The following NSG2 variants were observed in gnomAD, a reference collection of about 807,000 sequenced individuals.
The protein encoded by NSG2 is neuronal vesicle trafficking associated 2.
NSG2 carries 4 observed loss-of-function variants against 16.9 expected under a neutral mutation model. The observed-to-expected ratio is 0.24, with a 90% CI of 0.12 to 0.54. The LOEUF (loss-of-function observed/expected upper bound fraction) is 0.54, where lower values mean the gene tolerates loss of function less well. NSG2 is among the 20% of genes least tolerant of loss of function. The pLI, the probability that NSG2 is intolerant of heterozygous loss-of-function variation, is 0.95. For synonymous variants in NSG2, 98 were observed against 88.7 expected (o/e 1.11, Z -0.59); for missense variants, 179 against 221.1 (o/e 0.81, Z 1.21).
At chr5:174,048,756 G>T (rs957836511) in intron 2 of NSG2, among the ~76,000 whole-genome samples, 2 of 152,170 alleles carry the variant, frequency 1.3e-5, no homozygotes, top group East Asian at 1.9e-4. Flanking sequence ...CCTTGAGAGA[G>T]GAGGCAGGTC....
intron 3 of NSG2, 90 bp downstream of exon 3, chr5:174,064,405 G>A: frequency 1.4e-6 from 1 of 735,416 alleles, no homozygotes. Context: ...AAGTACTGCT[G>A]TGGGTGGGGA....
At chr5:174,095,062 G>A (rs1016940752) in intron 3 of NSG2, among the ~76,000 whole-genome samples, 1 of 152,202 alleles carries the variant, frequency 6.6e-6, no homozygotes. Context: ...GACATGGTGA[G>A]TTGGGCTTTG....
Position 174,107,232 on chromosome 5 carries a change from C to T in NSG2, c.325-82C>T, listed in dbSNP as rs1430903671. The T allele has an allele frequency of 7.7e-7, 1 of 1,300,776 alleles. No individual in the cohort carries two copies. Among genetic ancestry groups the T allele is most frequent in the Non-Finnish European group, 1.1e-6 (1 of 952,004 alleles). 80.6% of individuals were successfully genotyped at this position (1,300,776 alleles called of 1,614,324 possible). On this transcript the variant is annotated intron_variant, in intron 4 of 4. Coordinates refer to ENST00000303177, the MANE Select transcript of NSG2 (RefSeq NM_015980.5). The surrounding 1 kb of genome is among the most constrained non-coding windows in gnomAD (Gnocchi z 4.5). Reference sequence around the variant, plus strand: ...TGGCTGACAGCCCGATGCAGCTGCACTCCAGTCAGGGTGGCTGTGTTGCTG... The same window carrying T: ...TGGCTGACAGCCCGATGCAGCTGCATTCCAGTCAGGGTGGCTGTGTTGCTG...
At chr5:174,064,456 C>T (rs2113435433) in intron 3 of NSG2, 141 bp downstream of exon 3, 2 of 518,342 alleles carry the variant, frequency 3.9e-6, no homozygotes, top group South Asian at 3.9e-5. Flanking sequence ...TGAAGCCATA[C>T]AGTCTGGCCA....
At chr5:174,082,108 G>C (rs1760486310) in intron 3 of NSG2, among the ~76,000 whole-genome samples, 1 of 152,170 alleles carries the variant, frequency 6.6e-6, no homozygotes. Flanking sequence ...CCGACCACCT[G>C]TCTGAAGCTT....
chr5:174,089,276 A>T (rs1390405442), intron 3 of NSG2, among the ~76,000 whole-genome samples: 1 of 152,172 alleles, frequency 6.6e-6, no homozygotes, highest in East Asian at 1.9e-4. Flanking sequence ...TGGGGTCCTC[A>T]ATGAATTTAC....
rs116862287 is a variant in NSG2 at position 174,098,887 on chromosome 5, C to T, written c.214-5341C>T. ...CTCCAATGTAGCGCTGGAGAACTAG[C>T]GAGCTGTTTATCGCGAGGCTCAGGT... On this transcript the variant is annotated intron_variant, in intron 3 of 4. Coordinates refer to ENST00000303177, the MANE Select transcript of NSG2 (RefSeq NM_015980.5). Among the ~76,000 whole-genome samples, 22 of 152,230 alleles carry T rather than the reference C, an allele frequency of 1.4e-4. No homozygotes were observed. In the East Asian group the frequency reaches 4.1e-3, roughly 28 times the overall value.
At chr5:174,086,735 C>A (rs1455269383) in intron 3 of NSG2, among the ~76,000 whole-genome samples, 1 of 152,208 alleles carries the variant, frequency 6.6e-6, no homozygotes, top group African/African-American at 2.4e-5. Flanking sequence ...GTAAGAGGTT[C>A]ACTGTCAAAG....
intron 2 of NSG2, among the ~76,000 whole-genome samples, chr5:174,050,982 C>T (rs1759879113): frequency 6.6e-6 from 1 of 152,144 alleles, no homozygotes; most frequent in Admixed American, 6.5e-5. Context: ...GAATCTTGAC[C>T]TTGCCACTCC....
intron 3 of NSG2, among the ~76,000 whole-genome samples, chr5:174,096,149 A>C (rs1015968414): frequency 6.6e-6 from 1 of 152,256 alleles, no homozygotes; most frequent in Non-Finnish European, 1.5e-5. Flanking sequence ...TGCCAAGAAC[A>C]GTGCCTGGCA....
Position 174,064,259 on chromosome 5 carries a change from C to T in NSG2, c.157C>T (p.Gln53Ter). 2 of 1,611,198 alleles carry T rather than the reference C, an allele frequency of 1.2e-6. No homozygotes were observed. The highest frequency in any genetic ancestry group is 1.7e-6 in the Non-Finnish European group (2 of 1,178,178). ...KVIVKTRTEY[Q>*]PEQKNKGKFR... Reference sequence around the variant, plus strand: ...GATTGTGAAGACAAGAACGGAATATCAGCCGGAACAGAAGAACAAAGGGAA... The same window carrying T: ...GATTGTGAAGACAAGAACGGAATATTAGCCGGAACAGAAGAACAAAGGGAA... The change falls in exon 3 of 5, where the codon CAG (glutamine) becomes TAG (stop). Residue 53 changes from glutamine (Q) to a stop codon, truncating the protein, a stop_gained. Transcript: ENST00000303177. LOFTEE classifies it high-confidence loss of function.
intron 3 of NSG2, among the ~76,000 whole-genome samples, chr5:174,093,370 A>G (rs1760749606): frequency 6.6e-6 from 1 of 152,210 alleles, no homozygotes; most frequent in Non-Finnish European, 1.5e-5. Context: ...GCTATTGTGA[A>G]GCAGCCATCA....
Position 174,095,055 on chromosome 5 carries a change from A to T in NSG2, c.214-9173A>T, listed in dbSNP as rs142288338. ...AGGAAGGCTTCTCAGAGGAGGTGAC[A>T]TGGTGAGTTGGGCTTTGAAGCATGA... On this transcript the variant is annotated intron_variant, in intron 3 of 4. Coordinates refer to ENST00000303177, the MANE Select transcript of NSG2 (RefSeq NM_015980.5). 2.6e-3 allele frequency among the ~76,000 whole-genome samples: 392 copies of T among 152,334 alleles called. 2 individuals are homozygous for T. The highest frequency in any genetic ancestry group is 8.9e-3 in the African/African-American group (369 of 41,582).
intron 3 of NSG2, among the ~76,000 whole-genome samples, chr5:174,095,293 A>G (rs1423721153): frequency 6.6e-6 from 1 of 152,164 alleles, no homozygotes; most frequent in Non-Finnish European, 1.5e-5. Context: ...AAATGACCAT[A>G]AACTGTGCGG....
intron 3 of NSG2, among the ~76,000 whole-genome samples, chr5:174,073,405 C>T (rs1213669229): frequency 1.3e-5 from 2 of 152,170 alleles, no homozygotes; most frequent in Admixed American, 1.3e-4. Flanking sequence ...ATTAAAAACA[C>T]TGCCTGCTGG....
chr5:174,083,489 C>G (rs574495684), intron 3 of NSG2, among the ~76,000 whole-genome samples: 4 of 152,188 alleles, frequency 2.6e-5, no homozygotes, highest in Non-Finnish European at 5.9e-5. Context: ...AACAGAGTGG[C>G]AAGAGGTGGA....
chr5:174,059,055 T>C (rs904597132), intron 2 of NSG2, among the ~76,000 whole-genome samples: 5 of 152,220 alleles, frequency 3.3e-5, no homozygotes, highest in Non-Finnish European at 4.4e-5. Context: ...GGACATGGAT[T>C]TGAAGAGAGG....
chr5:174,104,434 C>T (rs1018145551), intron 4 of NSG2, 96 bp downstream of exon 4: 28 of 852,666 alleles, frequency 3.3e-5, no homozygotes, highest in Admixed American at 3.0e-4. Context: ...CTGGGTATGA[C>T]GACCTCTCTA....
intron 2 of NSG2, among the ~76,000 whole-genome samples, chr5:174,049,226 G>C (rs987281562): frequency 1.2e-4 from 18 of 152,270 alleles, no homozygotes; most frequent in Non-Finnish European, 1.9e-4. Flanking sequence ...TGTAGTCCCA[G>C]CTACTTGGGA....
Sources: allele counts gnomAD v4.1 joint callset (sites outside exome capture counted in the v4.1 genomes callset), GRCh38; gene constraint gnomAD v4.1.1; non-coding constraint Gnocchi (gnomAD v3.1); transcripts MANE v1.5; gene names NCBI Gene and HGNC (gene_info 2026-07-23, HGNC 2026-07-21).